Variants in ITPR2 observed in about 807,000 individuals in gnomAD.
The protein encoded by ITPR2 is inositol 1,4,5-trisphosphate receptor type 2.
In ITPR2, 207 loss-of-function variants were observed where a neutral mutation model predicts 317.1. That is an observed-to-expected ratio of 0.65 (90% CI 0.58 to 0.73). The LOEUF (loss-of-function observed/expected upper bound fraction) is 0.73, where lower values mean the gene tolerates loss of function less well. Ranked by LOEUF, ITPR2 falls within the 30% of genes least tolerant of loss-of-function variation. The pLI, the probability that ITPR2 is intolerant of heterozygous loss-of-function variation, is 0.00. For synonymous variants in ITPR2, 1,156 were observed against 1,149.1 expected (o/e 1.01, Z -0.12); for missense variants, 2,613 against 3,284.0 (o/e 0.80, Z 4.99).
intron 37 of ITPR2, among the ~76,000 whole-genome samples, chr12:26,549,192 G>A (rs775750653): frequency 1.3e-5 from 2 of 152,142 alleles, no homozygotes; most frequent in African/African-American, 2.4e-5. Flanking sequence ...TCCTATCTTA[G>A]AGAAATATTT....
intron 32 of ITPR2, among the ~76,000 whole-genome samples, chr12:26,591,427 G>C (rs1945701715): frequency 6.6e-6 from 1 of 152,146 alleles, no homozygotes; most frequent in South Asian, 2.1e-4. Context: ...CCAAAAGACA[G>C]GCAATAACAA....
At chr12:26,766,878 C>T (rs1048159005) in intron 2 of ITPR2, among the ~76,000 whole-genome samples, 1 of 152,124 alleles carries the variant, frequency 6.6e-6, no homozygotes, top group Non-Finnish European at 1.5e-5. Context: ...CAATATAGGA[C>T]AATTTGTGTT....
intron 15 of ITPR2, among the ~76,000 whole-genome samples, chr12:26,662,727 T>C (rs1947530446): frequency 6.6e-6 from 1 of 152,170 alleles, no homozygotes; most frequent in African/African-American, 2.4e-5. Flanking sequence ...GGCTGGAGTG[T>C]ACTAGTGTGA....
At chr12:26,496,551 C>T (rs1015324922) in intron 37 of ITPR2, among the ~76,000 whole-genome samples, 4 of 152,148 alleles carry the variant, frequency 2.6e-5, no homozygotes, top group Admixed American at 6.5e-5. Context: ...ATTCTGTTTC[C>T]ACTTAGATTT....
In ITPR2 at chr12:26,832,710, G is replaced by A. The variant is rs767793159; in HGVS notation, c.72C>T (p.Asn24=). 7.5e-6 allele frequency: 12 copies of A among 1,600,006 alleles called. No homozygotes were observed. Among genetic ancestry groups the A allele is most frequent in the African/African-American group, 1.4e-5 (1 of 72,890 alleles). The change falls in exon 1 of 57, where the codon AAC becomes AAT. Residue 24 remains asparagine, a synonymous_variant. Coordinates refer to ENST00000381340, the MANE Select transcript of ITPR2 (RefSeq NM_002223.4). ...CTTACCCCAAGGTGCTGATGAAGCC[G>A]TTGACCGAGCCCTCCGCGTACAGGG... is the stretch of plus-strand genomic sequence containing the variant. ...IVSLYAEGSV[N]GFISTLGLVD...
chr12:26,646,314 C>T (rs1282946869), intron 21 of ITPR2, among the ~76,000 whole-genome samples: 1 of 151,948 alleles, frequency 6.6e-6, no homozygotes, highest in Non-Finnish European at 1.5e-5. Flanking sequence ...TCCTTTCTCA[C>T]CCATAAAGCA....
intron 44 of ITPR2, among the ~76,000 whole-genome samples, chr12:26,475,642 T>C (rs1436247157): frequency 6.6e-6 from 1 of 152,170 alleles, no homozygotes; most frequent in Non-Finnish European, 1.5e-5. Context: ...TGAATGTTGA[T>C]AGTGCCGAAG....
At chr12:26,629,744 TTC>T (rs150195472) in intron 22 of ITPR2, among the ~76,000 whole-genome samples, 35 of 149,674 alleles carry the variant, frequency 2.3e-4, no homozygotes, top group Non-Finnish European at 2.4e-4. Context: ...CTTTCTCTTT[TTC>T]TCTCTCTCTC....
rs369196895 is a variant in ITPR2 at position 26,602,341 on chromosome 12, C to G, written c.3678+29G>C. 5 of 1,576,304 alleles carry G rather than the reference C, an allele frequency of 3.2e-6. No individual in the cohort carries two copies. In the African/African-American group the frequency reaches 5.5e-5, roughly 17 times the overall value. On this transcript the variant is annotated intron_variant, in intron 28 of 56. Coordinates refer to ENST00000381340, the MANE Select transcript of ITPR2 (RefSeq NM_002223.4). ...TTTGAAATTGTATCAAAATAAAAAG[C>G]TAAAGAACAAAAAATAACCAGGACT...
chr12:26,571,592 C>A (rs995447840), intron 34 of ITPR2, among the ~76,000 whole-genome samples: 2 of 152,216 alleles, frequency 1.3e-5, no homozygotes, highest in African/African-American at 4.8e-5. Context: ...TTTGTGATAG[C>A]AGAGCAGAGA....
intron 26 of ITPR2, among the ~76,000 whole-genome samples, chr12:26,614,373 T>A (rs766664890): frequency 6.6e-6 from 1 of 151,848 alleles, no homozygotes; most frequent in African/African-American, 2.4e-5. Context: ...AAAATAGGTA[T>A]ATAGGATGGG....
At chr12:26,724,803 C>T (rs1226212573) in intron 3 of ITPR2, 61 bp from the exon 4 acceptor site, 6 of 1,221,248 alleles carry the variant, frequency 4.9e-6, no homozygotes, top group Non-Finnish European at 7.0e-6. Context: ...TAATAACTGA[C>T]AAAGAAATTT....
At position 26,337,280 on chromosome 12, in the gene ITPR2, T is replaced by C. The variant is rs1401128646; in HGVS notation, c.*2117A>G. 6.6e-6 allele frequency: 1 copy of C among 152,184 alleles called. No homozygotes were observed. Among genetic ancestry groups the C allele is most frequent in the Non-Finnish European group, 1.5e-5 (1 of 68,024 alleles). 9.4% of individuals were successfully genotyped at this position (152,184 alleles called of 1,614,324 possible). A position where few individuals can be genotyped will look rare whatever the true frequency, so the allele number is the denominator to read the frequency against. ...GATACTTTATCATCTGAAAGACAGG[T>C]TGCTCAGATGTATACAAATGAATTT... On this transcript the variant is annotated 3_prime_UTR_variant, in exon 57 of 57. Coordinates refer to ENST00000381340, the MANE Select transcript of ITPR2 (RefSeq NM_002223.4).
intron 2 of ITPR2, among the ~76,000 whole-genome samples, chr12:26,785,544 A>G (rs866987663): frequency 2.9e-3 from 78 of 27,114 alleles, no homozygotes; most frequent in Non-Finnish European, 4.9e-3. Flanking sequence ...CGCCCCGTCC[A>G]GGAGGGAGGT....
intron 32 of ITPR2, among the ~76,000 whole-genome samples, chr12:26,584,184 C>G (rs1945465147): frequency 6.6e-6 from 1 of 152,124 alleles, no homozygotes; most frequent in East Asian, 1.9e-4. Context: ...GGGAATGTAG[C>G]AGGCAGGGTG....
intron 55 of ITPR2, among the ~76,000 whole-genome samples, chr12:26,352,041 C>A (rs1323012547): frequency 6.6e-6 from 1 of 152,094 alleles, no homozygotes; most frequent in Non-Finnish European, 1.5e-5. Context: ...TGTGGCTGCC[C>A]ACAATCTGAA....
chr12:26,467,524 T>C (rs1294638299), intron 45 of ITPR2, among the ~76,000 whole-genome samples: 3 of 152,184 alleles, frequency 2.0e-5, no homozygotes, highest in South Asian at 4.1e-4. Context: ...TTGCCTGATA[T>C]CTCCAGCTAT....
At chr12:26,577,216 C>T (rs2137067922) in intron 34 of ITPR2, among the ~76,000 whole-genome samples, 1 of 152,316 alleles carries the variant, frequency 6.6e-6, no homozygotes, top group Middle Eastern at 3.4e-3. Flanking sequence ...GAGATGAGGG[C>T]AATGTCCCTC....
chr12:26,639,124 T>A (rs977677531), intron 21 of ITPR2, among the ~76,000 whole-genome samples: 1 of 152,090 alleles, frequency 6.6e-6, no homozygotes, highest in Non-Finnish European at 1.5e-5. Context: ...CATAGGACTA[T>A]ACAGAGAGGA....
Sources: allele counts gnomAD v4.1 joint callset (sites outside exome capture counted in the v4.1 genomes callset), GRCh38; gene constraint gnomAD v4.1.1; transcripts MANE v1.5; gene names NCBI Gene and HGNC (gene_info 2026-07-23, HGNC 2026-07-21).